The following PGAP2 variants were observed in gnomAD, a reference collection of about 807,000 sequenced individuals.
PGAP2 encodes acyltransferase PGAP2.
A neutral mutation model predicts 33.2 loss-of-function variants in PGAP2; 21 were observed. The ratio of observed to expected loss-of-function variants is 0.63; its 90% CI spans 0.45 to 0.91. The LOEUF is 0.91. Among genes scored for constraint, PGAP2 ranks in the 40% least tolerant of loss-of-function variants. The pLI is 0.00. For missense variants in PGAP2, 345 were observed against 424.0 expected (o/e 0.81, Z 1.64); for synonymous variants, 161 against 172.9 (o/e 0.93, Z 0.54).
intron 2 of PGAP2, among the ~76,000 whole-genome samples, chr11:3,815,742 T>C (rs2086864072): frequency 6.6e-6 from 1 of 152,214 alleles, no homozygotes; most frequent in African/African-American, 2.4e-5. Context: ...TAGACCTCTG[T>C]TGAGGCAGCC....
chr11:3,798,634 A>ACTTTTTTTTT (rs1172054010), intron 1 of PGAP2, among the ~76,000 whole-genome samples: 2 of 75,764 alleles, frequency 2.6e-5, no homozygotes, highest in Non-Finnish European at 2.3e-5. Flanking sequence ...CCCATGAACT[A>ACTTTTTTTTT]ATTTTTTTTT....
At chr11:3,814,813 TC>T (rs1196947010) in intron 2 of PGAP2, among the ~76,000 whole-genome samples, 1 of 120,156 alleles carries the variant, frequency 8.3e-6, no homozygotes, top group Admixed American at 8.6e-5. Flanking sequence ...TCTTTCTTTC[TC>T]TTTCTTTCTT....
intron 3 of PGAP2, among the ~76,000 whole-genome samples, chr11:3,822,705 A>G (rs1356567549): frequency 6.6e-6 from 1 of 152,198 alleles, no homozygotes; most frequent in Non-Finnish European, 1.5e-5. Context: ...TGCATTTTCA[A>G]ACAATTCCCC....
intron 2 of PGAP2, among the ~76,000 whole-genome samples, chr11:3,814,858 CTTTCT>C (rs1279528504): frequency 1.5e-5 from 2 of 134,188 alleles, no homozygotes; most frequent in Non-Finnish European, 3.2e-5. Flanking sequence ...TTCCTTCTTT[CTTTCT>C]TTTCTTTCTT....
chr11:3,804,785 T>G (rs1325424489), upstream of PGAP2, among the ~76,000 whole-genome samples: 1 of 152,200 alleles, frequency 6.6e-6, no homozygotes, highest in African/African-American at 2.4e-5. Flanking sequence ...CACTGCAACC[T>G]CCGCCTCCTG....
At chr11:3,819,226 A>AT (rs1485170455) in intron 3 of PGAP2, among the ~76,000 whole-genome samples, 8 of 151,784 alleles carry the variant, frequency 5.3e-5, no homozygotes, top group Non-Finnish European at 8.8e-5. Flanking sequence ...TAATTCTTAT[A>AT]TTTTTTTTGT....
Position 3,823,970 on chromosome 11 carries a change from T to G in PGAP2, c.436T>G (p.Ser146Ala), listed in dbSNP as rs764951853. 1.9e-6 allele frequency: 3 copies of G among 1,611,870 alleles called. No homozygotes were observed. Among genetic ancestry groups the G allele is most frequent in the Middle Eastern group, 1.6e-4 (1 of 6,062 alleles). ...GTGGCGTTTCTGCATCGGCCTGCAC[T>G]CGGCGCCTCGCTTCTTGGTGGCCTT... ...YVWRFCIGLH[S>A]APRFLVAFAY... The change falls in exon 4 of 7, where the codon TCG (serine) becomes GCG (alanine). Residue 146 changes from serine to alanine, a missense_variant. This residue lies in a region of PGAP2 where 311 missense variants were observed against 353.6 expected (regional missense o/e 0.88). Transcript: ENST00000278243.
intron 3 of PGAP2, chr11:3,823,652 C>T (rs1221807838): frequency 1.9e-6 from 3 of 1,543,906 alleles, no homozygotes; most frequent in Non-Finnish European, 2.6e-6. Flanking sequence ...AAGGTGCCAC[C>T]ATGCTGCTGC....
At position 3,811,523 on chromosome 11, in the gene PGAP2, G is replaced by A; in HGVS notation, c.165+99G>A. ...CAAGATTAGCCAGCTCTCCACTGGG[G>A]CCCATCAAACATACGGGGCTGCTGG... On this transcript the variant is annotated intron_variant, in intron 2 of 6. Transcript: ENST00000278243. The surrounding 1 kb of genome is among the most constrained non-coding windows in gnomAD (Gnocchi z 4.6). The A allele has an allele frequency of 8.4e-7, 1 of 1,192,828 alleles. No homozygotes were observed. The highest frequency in any genetic ancestry group is 1.5e-5 in the African/African-American group (1 of 65,516). 73.9% of individuals were successfully genotyped at this position (1,192,828 alleles called of 1,614,324 possible).
chr11:3,814,748 T>TTTCCTTCTTTTCTTTC (rs1565011131), intron 2 of PGAP2, among the ~76,000 whole-genome samples: 10 of 112,744 alleles, frequency 8.9e-5, no homozygotes, highest in East Asian at 8.0e-4. Flanking sequence ...TCTTTCCTTC[T>TTTCCTTCTTTTCTTTC]TTTCTTTCTT....
At position 3,824,278 on chromosome 11, in the gene PGAP2, G is replaced by A. The variant is rs139509051; in HGVS notation, c.610G>A (p.Glu204Lys). ...ATCCTCTTTCCCTCCAGCCATCCAC[G>A]AAAATGCTTTCATTGTGTTCATTGC... is the stretch of plus-strand genomic sequence containing the variant. ...VSSSEDFTIH[E>K]NAFIVFIASS... Residue 204 changes from glutamate (E) to lysine (K), a missense_variant, in exon 5 of 7, where the codon GAA (glutamate) becomes AAA (lysine). Physicochemically the swap from Glu to Lys is moderately conservative, Grantham distance 56. This residue lies in a region of PGAP2 where 311 missense variants were observed against 353.6 expected (regional missense o/e 0.88). Transcript: ENST00000278243. 3.3e-5 allele frequency: 53 copies of A among 1,614,158 alleles called. No homozygotes were observed. Among genetic ancestry groups the A allele is most frequent in the Admixed American group, 1.3e-4 (8 of 60,018 alleles).
At chr11:3,802,880 G>A (rs1267957989) in intron 1 of PGAP2, among the ~76,000 whole-genome samples, 1 of 147,438 alleles carries the variant, frequency 6.8e-6, no homozygotes, top group Non-Finnish European at 1.5e-5. Flanking sequence ...AGGCTGGAGT[G>A]CAGTGGCACC....
chr11:3,802,984 A>T (rs7484107), intron 1 of PGAP2, among the ~76,000 whole-genome samples: 1 of 136,680 alleles, frequency 7.3e-6, no homozygotes, highest in African/African-American at 2.7e-5. Context: ...CTGCCACCAC[A>T]CCCGGCTAAT....
At chr11:3,819,313 C>G (rs752427868) in intron 3 of PGAP2, among the ~76,000 whole-genome samples, 55 of 152,194 alleles carry the variant, frequency 3.6e-4, no homozygotes, top group African/African-American at 1.1e-3. Flanking sequence ...GAGTGGAGAA[C>G]AGCTTTAAGG....
chr11:3,806,441 T>C (rs190351065), upstream of PGAP2, among the ~76,000 whole-genome samples: 4,173 of 152,238 alleles, frequency 0.027, 194 homozygotes, highest in African/African-American at 0.094. Flanking sequence ...AGTGCGCACC[T>C]TCTCCAGACT....
Position 3,808,564 on chromosome 11 carries a change from G to A in PGAP2, c.-98G>A. The A allele has an allele frequency of 7.2e-7, 1 of 1,391,116 alleles. No individual in the cohort carries two copies. Among genetic ancestry groups the A allele is most frequent in the Non-Finnish European group, 9.3e-7 (1 of 1,074,124 alleles). The allele number at this position is 1,391,116 out of a possible 1,614,324, so 86.2% of individuals were successfully genotyped here. On this transcript the variant is annotated 5_prime_UTR_variant, in exon 1 of 7. Transcript: ENST00000278243. Reference sequence around the variant, plus strand: ...AGCGCCGGCCCCGCCCCCGCCGTTCGCGCTCTGACCAGCCCGCAGAGCCAG... The same window carrying A: ...AGCGCCGGCCCCGCCCCCGCCGTTCACGCTCTGACCAGCCCGCAGAGCCAG...
At chr11:3,814,793 T>C (rs1172315903) in intron 2 of PGAP2, among the ~76,000 whole-genome samples, 8 of 112,676 alleles carry the variant, frequency 7.1e-5, no homozygotes, top group Non-Finnish European at 1.7e-4. Flanking sequence ...TCTTTCTTTC[T>C]TTCTTTCTTT....
intron 3 of PGAP2, 25 bp downstream of exon 3, chr11:3,817,560 G>C (rs759103203): frequency 6.2e-7 from 1 of 1,604,966 alleles, no homozygotes; most frequent in Admixed American, 1.7e-5. Context: ...CCCAGCCCCT[G>C]GGTCAGGGCC....
chr11:3,797,866 G>A, exon 1 of PGAP2: 1 of 1,550,514 alleles, frequency 6.4e-7, no homozygotes, highest in Non-Finnish European at 8.7e-7. Flanking sequence ...GGAAGCACCG[G>A]CGGGGTGTCG....
Sources: gnomAD v4.1 joint callset for allele counts (sites outside exome capture counted in the v4.1 genomes callset) on GRCh38, gnomAD v4.1.1 for gene constraint, gnomAD v4.1.1 regional missense constraint, Gnocchi (gnomAD v3.1) non-coding constraint, MANE v1.5 for transcripts, NCBI Gene and HGNC (gene_info 2026-07-23, HGNC 2026-07-21) for gene names.